Variants in THSD4 observed in about 807,000 individuals in gnomAD.
THSD4 encodes thrombospondin type-1 domain-containing protein 4.
In THSD4, 69 loss-of-function variants were observed where a neutral mutation model predicts 119.0. That is an observed-to-expected ratio of 0.58 (90% CI 0.48 to 0.71). The LOEUF (loss-of-function observed/expected upper bound fraction) is 0.71. Ranked by LOEUF, THSD4 falls within the 30% of genes least tolerant of loss-of-function variation. The pLI is 0.00. For synonymous variants in THSD4, 524 were observed against 540.4 expected, an observed-to-expected ratio of 0.97 and a Z score of 0.42; for missense variants, 1,393 against 1,391.1, an observed-to-expected ratio of 1.00 and a Z score of -0.02.
At chr15:71,573,207 C>G (rs2049391238) in intron 7 of THSD4, among the ~76,000 whole-genome samples, 2 of 152,212 alleles carry the variant, frequency 1.3e-5, no homozygotes, top group South Asian at 4.1e-4. Context: ...TACTGCTCAC[C>G]CAGGGCCTTG....
chr15:71,256,277 C>G (rs916357457), intron 5 of THSD4, among the ~76,000 whole-genome samples: 16 of 151,970 alleles, frequency 1.1e-4, no homozygotes, highest in African/African-American at 3.6e-4. Flanking sequence ...GAGTTCAAGA[C>G]CAGCCTGGCC....
At chr15:71,500,519 G>A (rs1399909676) in intron 7 of THSD4, among the ~76,000 whole-genome samples, 3 of 152,136 alleles carry the variant, frequency 2.0e-5, no homozygotes, top group African/African-American at 7.2e-5. Flanking sequence ...TATTGCCTGT[G>A]TTGTTGGTGT....
chr15:71,542,856 A>G (rs867729701), intron 7 of THSD4, among the ~76,000 whole-genome samples: 47 of 151,658 alleles, frequency 3.1e-4, no homozygotes, highest in Middle Eastern at 6.8e-3. Flanking sequence ...CAGCCTGGGC[A>G]ACAGAGCAAG....
chr15:71,534,569 C>T (rs2048663443), intron 7 of THSD4, among the ~76,000 whole-genome samples: 2 of 152,122 alleles, frequency 1.3e-5, no homozygotes, highest in South Asian at 2.1e-4. Flanking sequence ...TTTCTGCTCA[C>T]TGTAAAAACA....
chr15:71,542,757 G>A (rs2048776698), intron 7 of THSD4, among the ~76,000 whole-genome samples: 1 of 151,838 alleles, frequency 6.6e-6, no homozygotes, highest in African/African-American at 2.4e-5. Context: ...GGCACTTGTA[G>A]TCCCAGCTAC....
At chr15:71,228,418 G>A (rs2044035299) in intron 4 of THSD4, among the ~76,000 whole-genome samples, 1 of 152,016 alleles carries the variant, frequency 6.6e-6, no homozygotes, top group African/African-American at 2.4e-5. Flanking sequence ...GCCTAGTGAT[G>A]CTGATTTTAA....
At chr15:71,564,433 G>C (rs1222993973) in intron 7 of THSD4, among the ~76,000 whole-genome samples, 1 of 152,176 alleles carries the variant, frequency 6.6e-6, no homozygotes, top group Non-Finnish European at 1.5e-5. Flanking sequence ...GCCTAAGTAG[G>C]AGTTTCTCAG....
intron 8 of THSD4, among the ~76,000 whole-genome samples, chr15:71,688,707 CTGTGTGTGTGTG>C (rs55653630): frequency 6.0e-5 from 8 of 133,486 alleles, no homozygotes; most frequent in South Asian, 4.9e-4. Context: ...TTTTGTATCT[CTGTGTGTGTGTG>C]TGTGTGTGTG....
At chr15:71,671,425 T>G (rs1477961733) in intron 8 of THSD4, among the ~76,000 whole-genome samples, 1 of 152,214 alleles carries the variant, frequency 6.6e-6, no homozygotes, top group Non-Finnish European at 1.5e-5. Context: ...TTTTTCCCAT[T>G]CTGTAGGTTG....
At chr15:71,361,475 G>T (rs181331058) in intron 6 of THSD4, among the ~76,000 whole-genome samples, 150 of 152,318 alleles carry the variant, frequency 9.8e-4, no homozygotes, top group African/African-American at 3.2e-3. Flanking sequence ...TCACCCCTCA[G>T]AGTGGCAAAG....
At chr15:71,693,332 G>C (rs2052093137) in intron 8 of THSD4, among the ~76,000 whole-genome samples, 1 of 152,130 alleles carries the variant, frequency 6.6e-6, no homozygotes, top group Non-Finnish European at 1.5e-5. Context: ...GTAGCAGCAA[G>C]GATCCTAAAT....
upstream of THSD4, chr15:71,112,407 G>T: frequency 1.9e-6 from 1 of 518,340 alleles, no homozygotes; most frequent in East Asian, 3.4e-5. Flanking sequence ...CATGACAGAA[G>T]AGTTATGTTT....
chr15:71,399,796 C>T (rs1013036996), intron 6 of THSD4, among the ~76,000 whole-genome samples: 1 of 152,148 alleles, frequency 6.6e-6, no homozygotes, highest in Non-Finnish European at 1.5e-5. Context: ...GAGTGGGGTC[C>T]ATGTCCATCA....
intron 8 of THSD4, among the ~76,000 whole-genome samples, chr15:71,682,470 G>C (rs551128523): frequency 5.9e-5 from 9 of 152,024 alleles, no homozygotes; most frequent in Admixed American, 4.6e-4. Flanking sequence ...ACCGCAGAAA[G>C]AACCACTACC....
intron 6 of THSD4, among the ~76,000 whole-genome samples, chr15:71,338,254 T>C (rs955958666): frequency 2.0e-5 from 3 of 151,958 alleles, no homozygotes; most frequent in Non-Finnish European, 2.9e-5. Flanking sequence ...CTCCAGGTGA[T>C]GGCTTAGGTA....
chr15:71,585,780 TTG>T (rs149153980), intron 7 of THSD4, among the ~76,000 whole-genome samples: 2 of 151,924 alleles, frequency 1.3e-5, no homozygotes, highest in African/African-American at 4.8e-5. Flanking sequence ...TTTATTCTTT[TTG>T]TGTGTGTGTG....
intron 7 of THSD4, among the ~76,000 whole-genome samples, chr15:71,519,182 C>T (rs1205082545): frequency 6.6e-6 from 1 of 151,944 alleles, no homozygotes; most frequent in African/African-American, 2.4e-5. Context: ...CGCAAAGGCC[C>T]TGGGGTGATT....
intron 7 of THSD4, among the ~76,000 whole-genome samples, chr15:71,567,260 C>T (rs540374716): frequency 1.3e-4 from 20 of 152,218 alleles, no homozygotes; most frequent in African/African-American, 4.1e-4. Flanking sequence ...TGGGTTCCCC[C>T]AGACACAGCT....
chr15:71,390,325 G>A (rs922523369), intron 6 of THSD4, among the ~76,000 whole-genome samples: 5 of 152,096 alleles, frequency 3.3e-5, no homozygotes, highest in South Asian at 4.2e-4. Context: ...TTTGGCGAAC[G>A]TCCATATGAC....
Sources: gnomAD v4.1 joint callset for allele counts (sites outside exome capture counted in the v4.1 genomes callset) on GRCh38, gnomAD v4.1.1 for gene constraint, MANE v1.5 for transcripts, NCBI Gene and HGNC (gene_info 2026-07-23, HGNC 2026-07-21) for gene names.